Variants in NAV3 observed in about 807,000 individuals in gnomAD.
The protein encoded by NAV3 is neuron navigator 3.
Under a neutral mutation model 244.7 loss-of-function variants are expected in NAV3, and 87 were observed. The ratio of observed to expected loss-of-function variants is 0.36; its 90% CI spans 0.30 to 0.42. The LOEUF is 0.42. Ranked by LOEUF, NAV3 falls within the 20% of genes least tolerant of loss-of-function variation. The pLI, the probability that NAV3 is intolerant of heterozygous loss-of-function variation, is 1.00. For synonymous variants in NAV3, 1,126 were observed against 1,042.2 expected (o/e 1.08, Z -1.55); for missense variants, 2,663 against 2,893.3 (o/e 0.92, Z 1.83).
At chr12:77,722,756 A>G (rs1432038766) in intron 2 of NAV3, among the ~76,000 whole-genome samples, 1 of 152,010 alleles carries the variant, frequency 6.6e-6, no homozygotes, top group African/African-American at 2.4e-5. Context: ...AATTAATCCA[A>G]ATGTTTATAT....
chr12:77,682,338 C>A (rs1168599519), intron 2 of NAV3, among the ~76,000 whole-genome samples: 1 of 152,162 alleles, frequency 6.6e-6, no homozygotes, highest in African/African-American at 2.4e-5. Context: ...GAATTTCCTT[C>A]TTTTCAAAGG....
intron 2 of NAV3, among the ~76,000 whole-genome samples, chr12:77,659,539 G>GA (rs1178260862): frequency 6.6e-6 from 1 of 152,128 alleles, no homozygotes; most frequent in Non-Finnish European, 1.5e-5. Flanking sequence ...AACCATTGTG[G>GA]AAGTCAGTGT....
At chr12:77,994,707 G>C (rs1872057728) in intron 5 of NAV3, 96 bp from the exon 6 acceptor site, 1 of 912,444 alleles carries the variant, frequency 1.1e-6, no homozygotes, top group East Asian at 2.5e-5. Flanking sequence ...TGTTCCAATT[G>C]CATTTCATTA....
At chr12:77,623,759 C>T (rs17793307) in intron 2 of NAV3, among the ~76,000 whole-genome samples, 3,296 of 152,104 alleles carry the variant, frequency 0.022, 132 homozygotes, top group African/African-American at 0.074. Flanking sequence ...ATGATAAAGA[C>T]GAACATTTCA....
intron 2 of NAV3, among the ~76,000 whole-genome samples, chr12:77,795,175 G>T (rs1035553948): frequency 6.6e-6 from 1 of 152,148 alleles, no homozygotes; most frequent in African/African-American, 2.4e-5. Context: ...AATTAAAAAT[G>T]CTACTCCATG....
Position 78,116,754 on chromosome 12 carries a change from T to C in NAV3, c.2637-18T>C. ...CATCCTGTGTTTGATTCACTGCTCTTGCATGTCTTGCCTTTAGCTGGGATG... is the reference window on the plus strand; with the variant it reads ...CATCCTGTGTTTGATTCACTGCTCTCGCATGTCTTGCCTTTAGCTGGGATG... On this transcript the variant is annotated intron_variant, in intron 12 of 39. Coordinates refer to ENST00000397909, the MANE Select transcript of NAV3 (RefSeq NM_001024383.2). 1.9e-6 allele frequency: 3 copies of C among 1,567,058 alleles called. No individual in the cohort carries two copies. Among genetic ancestry groups the C allele is most frequent in the Non-Finnish European group, 2.6e-6 (3 of 1,149,922 alleles).
intron 5 of NAV3, among the ~76,000 whole-genome samples, chr12:77,990,308 G>A (rs1426015309): frequency 6.6e-6 from 1 of 152,198 alleles, no homozygotes; most frequent in Non-Finnish European, 1.5e-5. Flanking sequence ...GCAGGAATTA[G>A]GGAAAGGTAA....
chr12:77,965,418 G>A (rs998752104), intron 3 of NAV3, among the ~76,000 whole-genome samples: 3 of 152,096 alleles, frequency 2.0e-5, no homozygotes, highest in Non-Finnish European at 4.4e-5. Flanking sequence ...TCAGTGGTTC[G>A]AGACCAGTCT....
intron 2 of NAV3, among the ~76,000 whole-genome samples, chr12:77,822,823 A>G (rs1245876706): frequency 6.6e-6 from 1 of 152,182 alleles, no homozygotes; most frequent in African/African-American, 2.4e-5. Context: ...GATGAAGGAT[A>G]ATTTTAAAAA....
At chr12:77,852,532 C>T (rs1377938179) in intron 1 of NAV3, among the ~76,000 whole-genome samples, 2 of 151,558 alleles carry the variant, frequency 1.3e-5, no homozygotes, top group Non-Finnish European at 2.9e-5. Flanking sequence ...GAACGAGACT[C>T]CCTCTCATAA....
chr12:77,693,684 G>T (rs1875144159), intron 2 of NAV3, among the ~76,000 whole-genome samples: 2 of 152,008 alleles, frequency 1.3e-5, no homozygotes, highest in South Asian at 2.1e-4. Context: ...CATTTGCTAT[G>T]CCTGATTGGC....
rs1453453172 is a variant in NAV3 at position 77,800,351 on chromosome 12, C to G, written c.73-139968C>G. 2.0e-5 allele frequency among the ~76,000 whole-genome samples: 3 copies of G among 152,174 alleles called. No homozygotes were observed. In the East Asian group the frequency reaches 5.8e-4, roughly 29 times the overall value. On this transcript the variant is annotated intron_variant, in intron 2 of 8. Coordinates refer to the NAV3 transcript ENST00000550042. ...TCTGAGGGTTTTTAAACCTACAAAT[C>G]ACACCAACTTCAGTCAGGCTGTCAT...
intron 1 of NAV3, among the ~76,000 whole-genome samples, chr12:77,934,804 A>T (rs1472260707): frequency 1.3e-5 from 2 of 152,228 alleles, no homozygotes; most frequent in Admixed American, 1.3e-4. Context: ...ATGTAATGCT[A>T]CTGCTTGAAT....
At chr12:77,573,813 A>G (rs2136649381) in intron 2 of NAV3, among the ~76,000 whole-genome samples, 1 of 152,308 alleles carries the variant, frequency 6.6e-6, no homozygotes, top group Admixed American at 6.5e-5. Flanking sequence ...TTATGACAAA[A>G]AAGATGAGTA....
intron 2 of NAV3, among the ~76,000 whole-genome samples, chr12:77,693,115 A>G (rs1403775445): frequency 6.6e-6 from 1 of 152,178 alleles, no homozygotes; most frequent in Non-Finnish European, 1.5e-5. Flanking sequence ...AGGGGTAGTC[A>G]GTGCCAGTCC....
intron 23 of NAV3, among the ~76,000 whole-genome samples, chr12:78,160,388 TGTGTGTGTGTGCGTGC>T (rs941569504): frequency 9.5e-5 from 9 of 94,620 alleles, no homozygotes; most frequent in African/African-American, 3.6e-4. Flanking sequence ...AGTGTGTGTG[TGTGTGTGTGTGCGTGC>T]GTGTGTGTGT....
intron 2 of NAV3, among the ~76,000 whole-genome samples, chr12:77,711,329 C>T (rs986652109): frequency 1.3e-5 from 2 of 152,206 alleles, no homozygotes; most frequent in African/African-American, 4.8e-5. Context: ...GCCCCTGCCC[C>T]ACCTTTTGCT....
intron 2 of NAV3, among the ~76,000 whole-genome samples, chr12:77,657,023 A>C (rs1873143977): frequency 6.6e-6 from 1 of 152,216 alleles, no homozygotes; most frequent in African/African-American, 2.4e-5. Flanking sequence ...TCCAAAATTG[A>C]CACCCTAGCA....
intron 2 of NAV3, among the ~76,000 whole-genome samples, chr12:77,721,305 T>C (rs898739852): frequency 6.6e-6 from 1 of 152,172 alleles, no homozygotes; most frequent in Admixed American, 6.5e-5. Context: ...GATGTTGTTT[T>C]TTACCAACCT....
Sources: gnomAD v4.1 joint callset for allele counts (sites outside exome capture counted in the v4.1 genomes callset) on GRCh38, gnomAD v4.1.1 for gene constraint, MANE v1.5 for transcripts, NCBI Gene and HGNC (gene_info 2026-07-23, HGNC 2026-07-21) for gene names.